The following TENM2 variants were observed in gnomAD, a reference collection of about 807,000 sequenced individuals.
The protein encoded by TENM2 is teneurin-2.
Under a neutral mutation model 245.2 loss-of-function variants are expected in TENM2, and 52 were observed. The ratio of observed to expected loss-of-function variants is 0.21; its 90% CI spans 0.17 to 0.27. The LOEUF is 0.27. Ranked by LOEUF, TENM2 falls within the 10% of genes least tolerant of loss-of-function variation. The pLI is 1.00. For synonymous variants in TENM2, 1,363 were observed against 1,438.9 expected, an observed-to-expected ratio of 0.95 and a Z score of 1.19; for missense variants, 3,046 against 3,666.8, an observed-to-expected ratio of 0.83 and a Z score of 4.37.
intron 2 of TENM2, among the ~76,000 whole-genome samples, chr5:167,850,528 C>T (rs1391325269): frequency 2.0e-5 from 3 of 152,130 alleles, no homozygotes; most frequent in African/African-American, 7.2e-5. Flanking sequence ...TTTAAATCCT[C>T]CCGAGTTCAA....
At chr5:168,176,529 C>G (rs186343318) in intron 13 of TENM2, among the ~76,000 whole-genome samples, 1 of 152,174 alleles carries the variant, frequency 6.6e-6, no homozygotes, top group Admixed American at 6.5e-5. Flanking sequence ...TAGAGAAGCC[C>G]TCCCTGCCCT....
At chr5:167,427,714 GAAGGAAGGGAAGGAAGAAAGGACGGA>G (rs1763939674) in intron 2 of TENM2, among the ~76,000 whole-genome samples, 1 of 114,558 alleles carries the variant, frequency 8.7e-6, no homozygotes, top group Non-Finnish European at 1.8e-5. Context: ...GGACGGGAGG[GAAGGAAGGGAAGGAAGAAAGGACGGA>G]AAGGAAGGGA....
chr5:167,330,763 T>A (rs1757413992), intron 1 of TENM2, among the ~76,000 whole-genome samples: 1 of 152,216 alleles, frequency 6.6e-6, no homozygotes, highest in Non-Finnish European at 1.5e-5. Flanking sequence ...CTATAGCATT[T>A]GAGGTCCATA....
the TENM2 span, among the ~76,000 whole-genome samples, chr5:167,018,089 A>G: frequency 1.3e-5 from 2 of 152,210 alleles, no homozygotes; most frequent in East Asian, 3.8e-4. Flanking sequence ...TTCTTTCCTT[A>G]ATTATAAAAT....
chr5:167,165,336 T>TC, the TENM2 span: 1 of 152,150 alleles, frequency 6.6e-6, no homozygotes, highest in African/African-American at 2.4e-5. Context: ...CATCTCTGGG[T>TC]CCCTGGTGTC....
At chr5:168,105,308 G>A (rs1794154818) in intron 9 of TENM2, among the ~76,000 whole-genome samples, 1 of 152,184 alleles carries the variant, frequency 6.6e-6, no homozygotes, top group Non-Finnish European at 1.5e-5. Flanking sequence ...AGGCAGGTGG[G>A]AGCTGAGAGA....
intron 3 of TENM2, among the ~76,000 whole-genome samples, chr5:167,931,481 G>T (rs1778277971): frequency 1.4e-5 from 2 of 146,274 alleles, no homozygotes; most frequent in African/African-American, 2.5e-5. Context: ...GGATATGTTT[G>T]AAATTCCTTA....
chr5:167,765,408 CA>C (rs78952126), intron 2 of TENM2, among the ~76,000 whole-genome samples: 3,645 of 152,156 alleles, frequency 0.024, 258 homozygotes, highest in East Asian at 0.21. Context: ...AGGAATCTGT[CA>C]AAAAAGGCAT....
chr5:167,703,530 CAAAAAA>C (rs747603141), intron 2 of TENM2, among the ~76,000 whole-genome samples: 11 of 97,168 alleles, frequency 1.1e-4, no homozygotes, highest in African/African-American at 1.9e-4. Flanking sequence ...GAAACCATCT[CAAAAAA>C]AAAAAAAAAA....
chr5:167,579,736 T>C (rs1774958286), intron 2 of TENM2, among the ~76,000 whole-genome samples: 1 of 152,206 alleles, frequency 6.6e-6, no homozygotes, highest in Non-Finnish European at 1.5e-5. Context: ...CCGAGCCTGA[T>C]GGTCAAAGAC....
chr5:167,341,288 C>G (rs1758084196), intron 1 of TENM2, among the ~76,000 whole-genome samples: 1 of 151,986 alleles, frequency 6.6e-6, no homozygotes, highest in Non-Finnish European at 1.5e-5. Flanking sequence ...ATTGGTTTGT[C>G]CTAAAGATAA....
intron 2 of TENM2, among the ~76,000 whole-genome samples, chr5:167,470,454 C>CGTTTTTTTTT (rs1766939685): frequency 2.1e-5 from 1 of 47,394 alleles, no homozygotes; most frequent in Non-Finnish European, 3.6e-5. Context: ...GCAATGCTTG[C>CGTTTTTTTTT]TTTTTTTTTT....
intron 2 of TENM2, among the ~76,000 whole-genome samples, chr5:167,813,176 G>A (rs1436254817): frequency 6.6e-6 from 1 of 152,084 alleles, no homozygotes; most frequent in Non-Finnish European, 1.5e-5. Flanking sequence ...CTGGGCCTCT[G>A]CATTCTGAGG....
chr5:168,108,280 G>C (rs7708268), intron 9 of TENM2, among the ~76,000 whole-genome samples: 2 of 152,190 alleles, frequency 1.3e-5, no homozygotes, highest in Admixed American at 6.5e-5. Flanking sequence ...CACAATTTAC[G>C]TGCATTATGT....
chr5:167,239,192 G>A, the TENM2 span, among the ~76,000 whole-genome samples: 3,178 of 152,204 alleles, frequency 0.021, 112 homozygotes, highest in African/African-American at 0.072. Flanking sequence ...TTATAATGTC[G>A]AATGTCATGG....
intron 2 of TENM2, among the ~76,000 whole-genome samples, chr5:167,519,507 A>C (rs2127580122): frequency 6.6e-6 from 1 of 152,286 alleles, no homozygotes; most frequent in East Asian, 1.9e-4. Context: ...CACTTTAAAA[A>C]ATAAGGATTC....
chr5:168,009,601 GA>G (rs1014222453), intron 5 of TENM2, among the ~76,000 whole-genome samples: 2 of 152,114 alleles, frequency 1.3e-5, no homozygotes, highest in Admixed American at 1.3e-4. Flanking sequence ...CAGATGCTAG[GA>G]GCCCGAAGTA....
chr5:167,279,505 CTTCCTTCCT>C, the TENM2 span, among the ~76,000 whole-genome samples: 105 of 130,670 alleles, frequency 8.0e-4, 1 homozygote, highest in South Asian at 3.6e-3. Context: ...TCTTTCTTTC[CTTCCTTCCT>C]TTCCTTCCTT....
At chr5:167,058,827 C>A in the TENM2 span, among the ~76,000 whole-genome samples, 1 of 152,176 alleles carries the variant, frequency 6.6e-6, no homozygotes, top group African/African-American at 2.4e-5. Flanking sequence ...GCTCATCTTA[C>A]TTTCCAGACC....
Sources: allele counts gnomAD v4.1 joint callset (sites outside exome capture counted in the v4.1 genomes callset), GRCh38; gene constraint gnomAD v4.1.1; transcripts MANE v1.5; gene names NCBI Gene and HGNC (gene_info 2026-07-23, HGNC 2026-07-21).